The following TBC1D26 variants were observed in gnomAD, a reference collection of about 807,000 sequenced individuals.
The protein encoded by TBC1D26 is TBC1 domain family member 26.
TBC1D26 carries 19 observed loss-of-function variants against 42.5 expected under a neutral mutation model. That is an observed-to-expected ratio of 0.45 (90% CI 0.31 to 0.66). The LOEUF is 0.66. Ranked by LOEUF, TBC1D26 falls within the 30% of genes least tolerant of loss-of-function variation. TBC1D26 has a pLI of 0.06. For missense variants in TBC1D26, 228 were observed against 332.6 expected (o/e 0.69, Z 2.45); for synonymous variants, 97 against 123.5 (o/e 0.79, Z 1.42).
chr17:15,737,295 T>C (rs1416190894), intron 4 of TBC1D26, among the ~76,000 whole-genome samples, 189 bp from the exon 5 acceptor site: 2 of 152,340 alleles, frequency 1.3e-5, no homozygotes, highest in South Asian at 2.1e-4. Context: ...AGCTTCTTCT[T>C]CTCCAAGGTC....
chr17:15,732,663 T>C (rs191113439), intron 1 of TBC1D26, among the ~76,000 whole-genome samples: 2 of 152,190 alleles, frequency 1.3e-5, no homozygotes, highest in Admixed American at 1.3e-4. Context: ...CATGCCCTGG[T>C]CTCTGTGGCC....
At chr17:15,743,267 C>A in intron 13 of TBC1D26, 100 bp from the exon 14 acceptor site, 1 of 609,982 alleles carries the variant, frequency 1.6e-6, no homozygotes, top group Non-Finnish European at 2.1e-6. Flanking sequence ...CCAAAAAGGA[C>A]CAGACACCAC....
chr17:15,732,925 G>A (rs886903063), intron 1 of TBC1D26, among the ~76,000 whole-genome samples: 3 of 152,004 alleles, frequency 2.0e-5, no homozygotes, highest in African/African-American at 7.2e-5. Context: ...CCCTCCGCCT[G>A]TGGGCAGTTG....
Position 15,741,425 on chromosome 17 carries a change from CA to C in TBC1D26, c.646+205del, listed in dbSNP as rs1457325031. 3.5e-6 allele frequency: 3 copies of C among 868,276 alleles called. No homozygotes were observed. The African/African-American group carries it at 5.1e-5, about 15-fold the overall frequency. 53.8% of individuals were successfully genotyped at this position (868,276 alleles called of 1,614,324 possible). On this transcript the variant is annotated intron_variant, in intron 10 of 14. Coordinates refer to ENST00000437605, the MANE Select transcript of TBC1D26 (RefSeq NM_001388465.1). ...GGACAGGAACCCCCTCACCTCAAGTCAGACGGCTTTCATCCCTAACATCAGA... is the reference window on the plus strand; with the variant it reads ...GGACAGGAACCCCCTCACCTCAAGTCGACGGCTTTCATCCCTAACATCAGA...
chr17:15,742,072 C>G, intron 11 of TBC1D26, 36 bp downstream of exon 11: 1 of 1,590,854 alleles, frequency 6.3e-7, no homozygotes, highest in Non-Finnish European at 8.6e-7. Flanking sequence ...TAACCAGACG[C>G]CCTGGCCCCC....
At chr17:15,734,025 C>G (rs1407003181) in intron 1 of TBC1D26, 2 of 152,282 alleles carry the variant, frequency 1.3e-5, no homozygotes, top group African/African-American at 2.4e-5. Context: ...GGACCATCCT[C>G]TCCTTTGTCC....
chr17:15,734,405 G>T (rs1482240187), intron 1 of TBC1D26, among the ~76,000 whole-genome samples: 2 of 152,118 alleles, frequency 1.3e-5, no homozygotes, highest in South Asian at 4.1e-4. Flanking sequence ...GATGGTTGCT[G>T]TGGGACCCAC....
chr17:15,742,169 TG>T (rs1207073404), intron 11 of TBC1D26, 133 bp downstream of exon 11: 1 of 745,784 alleles, frequency 1.3e-6, no homozygotes, highest in African/African-American at 1.8e-5. Context: ...GGATTCCCCA[TG>T]GATTCAGCGT....
chr17:15,742,623 C>T, intron 12 of TBC1D26, 144 bp downstream of exon 12: 1 of 169,886 alleles, frequency 5.9e-6, no homozygotes, highest in Non-Finnish European at 1.2e-5. Context: ...TGGCAGAGGC[C>T]AGGGCTCAGG....
chr17:15,743,087 C>A (rs1967836661), intron 13 of TBC1D26, 79 bp downstream of exon 13: 1 of 152,968 alleles, frequency 6.5e-6, no homozygotes, highest in African/African-American at 2.4e-5. Context: ...TGTCCTTACA[C>A]TGCCTGCTCC....
Position 15,742,002 on chromosome 17 carries a change from T to C in TBC1D26, c.707T>C (p.Leu236Pro). 1 of 1,614,016 alleles carries C rather than the reference T, an allele frequency of 6.2e-7. No homozygotes were observed. The highest frequency in any genetic ancestry group is 8.5e-7 in the Non-Finnish European group (1 of 1,179,956). The change falls in exon 11 of 15, where the codon CTG becomes CCG. Residue 236 changes from leucine (L) to proline (P), a missense_variant. By Grantham distance (98) the Leu-to-Pro change is moderately conservative. Transcript: ENST00000437605. ...ERLLSHQEQV[L>P]HKSFPKIMRH... ...CTCCTATCGCACCAGGAGCAGGTGCTGCACAAGTCCTTCCCAAAGATCATG... is the reference window on the plus strand; with the variant it reads ...CTCCTATCGCACCAGGAGCAGGTGCCGCACAAGTCCTTCCCAAAGATCATG...
Position 15,741,103 on chromosome 17 carries a change from G to A in TBC1D26, c.547-19G>A, listed in dbSNP as rs1227409839. 3 of 1,606,942 alleles carry A rather than the reference G, an allele frequency of 1.9e-6. No homozygotes were observed. Among genetic ancestry groups the A allele is most frequent in the South Asian group, 2.2e-5 (2 of 91,068 alleles). On this transcript the variant is annotated intron_variant, in intron 9 of 14. Coordinates refer to ENST00000437605, the MANE Select transcript of TBC1D26 (RefSeq NM_001388465.1). Reference sequence around the variant, plus strand: ...TCCTCCTAGGTGACATCTTTCCACGGTGACTCTGGCTCTTGCAGGAGGTGG... The same window carrying A: ...TCCTCCTAGGTGACATCTTTCCACGATGACTCTGGCTCTTGCAGGAGGTGG...
In TBC1D26 at chr17:15,744,334, T is replaced by C. The variant is rs1967865306; in HGVS notation, c.1149T>C (p.Gly383=). The change falls in exon 15 of 15, where the codon GGT becomes GGC. Residue 383 remains glycine, a synonymous_variant. Coordinates refer to ENST00000437605, the MANE Select transcript of TBC1D26 (RefSeq NM_001388465.1). ...ATTCCTGCACGTCAAGGGCCTCAGGTGACTTTCATGCACACCCAAGTCAGA... is the reference window on the plus strand; with the variant it reads ...ATTCCTGCACGTCAAGGGCCTCAGGCGACTTTCATGCACACCCAAGTCAGA... ...GKDSCTSRAS[G]DFHAHPSQKA... 6.6e-6 allele frequency: 1 copy of C among 152,190 alleles called. No individual in the cohort carries two copies. The highest frequency in any genetic ancestry group is 2.4e-5 in the African/African-American group (1 of 41,438). 9.4% of individuals were successfully genotyped at this position (152,190 alleles called of 1,614,324 possible).
chr17:15,738,595 C>A lies in TBC1D26; in HGVS notation c.388-126C>A, dbSNP rs1021640376. 7 of 1,532,654 alleles carry A rather than the reference C, an allele frequency of 4.6e-6. No individual in the cohort carries two copies. The African/African-American group carries it at 9.6e-5, about 21-fold the overall frequency. The allele number at this position is 1,532,654 out of a possible 1,614,324, so 94.9% of individuals were successfully genotyped here. A position where few individuals can be genotyped will look rare whatever the true frequency, so the allele number is the denominator to read the frequency against. ...GTGTCAGAAACAAGGTAAAAAGGAG[C>A]TTTCTGCAGAAGGAAACCTTCCTTC... On this transcript the variant is annotated intron_variant, in intron 7 of 14. Coordinates refer to ENST00000437605, the MANE Select transcript of TBC1D26 (RefSeq NM_001388465.1).
chr17:15,738,416 T>G (rs755156624), intron 7 of TBC1D26, 29 bp downstream of exon 7: 1 of 1,609,352 alleles, frequency 6.2e-7, no homozygotes. Context: ...CAGCTAGGAG[T>G]ACAAACAAGC....
intron 9 of TBC1D26, chr17:15,740,509 C>T: frequency 8.2e-7 from 1 of 1,222,982 alleles, no homozygotes; most frequent in Non-Finnish European, 1.0e-6. Context: ...CTGGGGGAGC[C>T]TCTTCTTCAC....
chr17:15,732,904 G>A (rs1272097119), intron 1 of TBC1D26, among the ~76,000 whole-genome samples: 1 of 152,128 alleles, frequency 6.6e-6, no homozygotes, highest in Non-Finnish European at 1.5e-5. Context: ...CCCTTGTCTG[G>A]GAGTAGGGAG....
intron 4 of TBC1D26, chr17:15,736,338 AG>A (rs1285845765): frequency 1.1e-3 from 176 of 160,344 alleles, no homozygotes; most frequent in African/African-American, 3.6e-3. Flanking sequence ...AGCCTGGGGG[AG>A]GGGGGCAGGG....
intron 1 of TBC1D26, chr17:15,734,658 T>C (rs779759469): frequency 2.6e-4 from 41 of 159,838 alleles, no homozygotes; most frequent in Non-Finnish European, 4.3e-4. Context: ...AGGTGTTCTC[T>C]AGGACTAAGG....
Sources: allele counts gnomAD v4.1 joint callset (sites outside exome capture counted in the v4.1 genomes callset), GRCh38; gene constraint gnomAD v4.1.1; transcripts MANE v1.5; gene names NCBI Gene and HGNC (gene_info 2026-07-23, HGNC 2026-07-21).